CYREN: variants seen among roughly 807,000 people sequenced by gnomAD.
The protein encoded by CYREN is cell cycle regulator of NHEJ.
In CYREN, 7 loss-of-function variants were observed where a neutral mutation model predicts 9.7. The observed-to-expected ratio is 0.72, with a 90% CI of 0.41 to 1.36. CYREN has a LOEUF of 1.36. Among genes scored for constraint, CYREN ranks in the 40% most tolerant of loss-of-function variants. The probability of loss-of-function intolerance (pLI) is 0.01; values close to 1 mark genes in which losing one functional copy is unlikely to be tolerated. For synonymous variants in CYREN, 76 were observed against 77.9 expected (o/e 0.98, Z 0.13); for missense variants, 215 against 198.1 (o/e 1.09, Z -0.51).
At chr7:135,101,361 C>G (rs1823803308) in intron 2 of CYREN, 2 of 398,740 alleles carry the variant, frequency 5.0e-6, no homozygotes, top group Admixed American at 5.8e-5. Context: ...TCCTATGAAA[C>G]TTGGATTATG....
chr7:135,169,755 G>A (rs961532213), intron 1 of CYREN, among the ~76,000 whole-genome samples: 6 of 152,168 alleles, frequency 3.9e-5, no homozygotes, highest in South Asian at 2.1e-4. Context: ...AGAGGGCCTA[G>A]GTCTCTACCT....
intron 2 of CYREN, among the ~76,000 whole-genome samples, chr7:135,156,837 T>G (rs1041837836): frequency 9.2e-5 from 14 of 152,144 alleles, no homozygotes; most frequent in South Asian, 8.3e-4. Flanking sequence ...TTCCCACATG[T>G]TGTGAGAGGG....
chr7:135,164,420 C>A, downstream of CYREN: 1 of 1,583,836 alleles, frequency 6.3e-7, no homozygotes, highest in Non-Finnish European at 8.6e-7. Context: ...CCCCGCAGGT[C>A]CCCCGGCAGA....
At chr7:135,092,601 A>G (rs1327079120) in exon 3 of CYREN, 1 of 152,220 alleles carries the variant, frequency 6.6e-6, no homozygotes, top group Non-Finnish European at 1.5e-5. Context: ...GTAAATAGAC[A>G]TAGTAATATG....
intron 2 of CYREN, chr7:135,135,013 A>G (rs758476920): frequency 3.9e-6 from 6 of 1,551,100 alleles, no homozygotes; most frequent in Middle Eastern, 1.7e-4. Flanking sequence ...CCCCAAGAAG[A>G]ATAAACATTC....
chr7:135,147,530 C>T (rs540658985), intron 2 of CYREN, among the ~76,000 whole-genome samples: 23 of 152,210 alleles, frequency 1.5e-4, no homozygotes, highest in Non-Finnish European at 2.5e-4. Flanking sequence ...AAGCTTTGTT[C>T]GGCTCTTATT....
chr7:135,157,690 T>C (rs1038724046), intron 2 of CYREN, among the ~76,000 whole-genome samples: 1 of 152,156 alleles, frequency 6.6e-6, no homozygotes, highest in South Asian at 2.1e-4. Context: ...GCAGTCCATG[T>C]TGGTGTTGCT....
chr7:135,095,968 A>G (rs1445717768), intron 2 of CYREN, among the ~76,000 whole-genome samples: 1 of 152,174 alleles, frequency 6.6e-6, no homozygotes, highest in Non-Finnish European at 1.5e-5. Flanking sequence ...CCTGGCCAAC[A>G]TGGTGAAACC....
chr7:135,162,534 A>AG (rs1829970501), downstream of CYREN, among the ~76,000 whole-genome samples: 1 of 152,242 alleles, frequency 6.6e-6, no homozygotes, highest in Non-Finnish European at 1.5e-5. Context: ...TCATGGTGAA[A>AG]GGCAAAGGAA....
At chr7:135,121,637 G>A (rs537468670) in intron 2 of CYREN, among the ~76,000 whole-genome samples, 2 of 152,094 alleles carry the variant, frequency 1.3e-5, no homozygotes, top group East Asian at 3.9e-4. Context: ...TCTGGGATGG[G>A]GCCAAGATGG....
At chr7:135,168,004 G>A in intron 2 of CYREN, 197 bp from the exon 3 acceptor site, 2 of 910,088 alleles carry the variant, frequency 2.2e-6, no homozygotes, top group Non-Finnish European at 3.2e-6. Context: ...AGGGCTTCAT[G>A]GAGGCAACAC....
At chr7:135,128,425 T>C in intron 2 of CYREN, 1 of 684,734 alleles carries the variant, frequency 1.5e-6, no homozygotes, top group South Asian at 1.6e-5. Context: ...ATCTTGGTTT[T>C]GTTCCTCAGA....
chr7:135,122,793 T>C (rs1169273174), intron 2 of CYREN, among the ~76,000 whole-genome samples: 1 of 151,902 alleles, frequency 6.6e-6, no homozygotes, highest in Non-Finnish European at 1.5e-5. Flanking sequence ...AGCAGCCCTA[T>C]AGAAAAGGGA....
At chr7:135,165,082 G>A (rs918638772), downstream of CYREN, 13 of 1,461,034 alleles carry the variant, frequency 8.9e-6, no homozygotes, top group Middle Eastern at 1.9e-4. Flanking sequence ...TACAGCTAAC[G>A]CTGATCTCCA....
chr7:135,162,076 T>C (rs74951287), downstream of CYREN, among the ~76,000 whole-genome samples: 87 of 152,362 alleles, frequency 5.7e-4, no homozygotes, highest in East Asian at 0.016. Context: ...CCTAGGTCCT[T>C]TGAATGGAGC....
chr7:135,116,006 G>A (rs1464703220), intron 2 of CYREN: 2 of 155,138 alleles, frequency 1.3e-5, no homozygotes, highest in East Asian at 1.9e-4. Context: ...CAGAAAGAGC[G>A]AGACCAGTTT....
intron 2 of CYREN, among the ~76,000 whole-genome samples, chr7:135,105,556 A>C (rs1301326036): frequency 6.6e-6 from 1 of 152,058 alleles, no homozygotes; most frequent in East Asian, 1.9e-4. Flanking sequence ...GTGCAGCCTT[A>C]TTTCTGGGCT....
Position 135,167,810 on chromosome 7 carries a change from G to GA in CYREN, c.138-4dup. The GA allele has an allele frequency of 1.9e-6, 3 of 1,614,004 alleles. No individual in the cohort carries two copies. The highest frequency in any genetic ancestry group is 2.5e-6 in the Non-Finnish European group (3 of 1,179,942). On this transcript the variant is annotated splice_polypyrimidine_tract_variant and splice_region_variant and intron_variant, in intron 2 of 3. Coordinates refer to ENST00000393114, the MANE Select transcript of CYREN (RefSeq NM_024033.4). ...ACACAGTCCTTGTCGCAGGGAGTCT[G>GA]AAAAAAAGACATGCAAGGCACAGAT...
At chr7:135,147,732 G>C in intron 2 of CYREN, 1 of 455,832 alleles carries the variant, frequency 2.2e-6, no homozygotes, top group Non-Finnish European at 4.4e-6. Context: ...GGTCCTGACT[G>C]CCACACTGGC....
Sources: gnomAD v4.1 joint callset for allele counts (sites outside exome capture counted in the v4.1 genomes callset) on GRCh38, gnomAD v4.1.1 for gene constraint, MANE v1.5 for transcripts, NCBI Gene and HGNC (gene_info 2026-07-23, HGNC 2026-07-21) for gene names.